Variants in KIAA1671 observed in about 807,000 individuals in gnomAD.
KIAA1671 encodes uncharacterized protein KIAA1671.
KIAA1671 carries 52 observed loss-of-function variants against 131.2 expected under a neutral mutation model. The ratio of observed to expected loss-of-function variants is 0.40; its 90% CI spans 0.32 to 0.50. The LOEUF is 0.50. Ranked by LOEUF, KIAA1671 falls within the 20% of genes least tolerant of loss-of-function variation. The pLI, the probability that KIAA1671 is intolerant of heterozygous loss-of-function variation, is 0.73. For missense variants in KIAA1671, 2,360 were observed against 2,364.2 expected, an observed-to-expected ratio of 1.00 and a Z score of 0.04; for synonymous variants, 1,003 against 961.6, an observed-to-expected ratio of 1.04 and a Z score of -0.80.
Position 25,195,919 on chromosome 22 carries a change from A to C in KIAA1671, c.*3518A>C, listed in dbSNP as rs1934812592. The C allele has an allele frequency of 6.6e-6, 1 of 152,136 alleles. No homozygotes were observed. Among genetic ancestry groups the C allele is most frequent in the Non-Finnish European group, 1.5e-5 (1 of 68,032 alleles). The allele number at this position is 152,136 out of a possible 1,614,324, so 9.4% of individuals were successfully genotyped here. On this transcript the variant is annotated 3_prime_UTR_variant, in exon 13 of 13. Coordinates refer to ENST00000358431, the MANE Select transcript of KIAA1671 (RefSeq NM_001145206.2). The stretch of plus-strand genomic sequence containing the variant: ...ACAAAAGCCGAAGTTCCATGGCATC[A>C]TGATTCCGAGGGGCTGGAGGGATAG...
At chr22:25,064,809 G>A (rs942816795) in intron 6 of KIAA1671, 4 of 152,238 alleles carry the variant, frequency 2.6e-5, no homozygotes, top group African/African-American at 9.7e-5. Flanking sequence ...GGGACAACTG[G>A]GAATTCTCTG....
intron 9 of KIAA1671, 99 bp from the exon 10 acceptor site, chr22:25,181,600 G>A: frequency 1.4e-6 from 2 of 1,429,220 alleles, no homozygotes; most frequent in South Asian, 1.3e-5. Context: ...CAGGTCTGAT[G>A]TGAGCATTGC....
chr22:25,024,463 CT>C (rs1334955915), intron 1 of KIAA1671: 1 of 152,176 alleles, frequency 6.6e-6, no homozygotes, highest in East Asian at 1.9e-4. Context: ...GAGCCTCTGG[CT>C]TGTGAAACTG....
chr22:24,974,006 C>T (rs1922779254), intron 1 of KIAA1671, among the ~76,000 whole-genome samples: 1 of 152,148 alleles, frequency 6.6e-6, no homozygotes, highest in Non-Finnish European at 1.5e-5. Flanking sequence ...CCCAGCTGCA[C>T]CTCCTTTGGT....
intron 6 of KIAA1671, among the ~76,000 whole-genome samples, chr22:25,110,392 G>A (rs1173982310): frequency 1.3e-5 from 2 of 152,182 alleles, no homozygotes; most frequent in Non-Finnish European, 2.9e-5. Flanking sequence ...AATATTTACA[G>A]AGCCCTGACT....
intron 6 of KIAA1671, among the ~76,000 whole-genome samples, chr22:25,067,009 T>C (rs1321846332): frequency 6.6e-6 from 1 of 152,104 alleles, no homozygotes. Flanking sequence ...GCCTCTGACT[T>C]CTGATGCAGC....
chr22:25,040,432 A>G lies in KIAA1671; in HGVS notation c.3302A>G (p.Lys1101Arg), dbSNP rs1461255869. The change falls in exon 5 of 13, where the codon AAA (lysine) becomes AGA (arginine). Residue 1101 changes from lysine to arginine, a missense_variant. Physicochemically the swap from Lys to Arg is conservative, Grantham distance 26. Around this residue, in one of 3 missense-constraint regions of KIAA1671, gnomAD observed 1,161 missense variants for 1,204.7 expected, o/e 0.96. Coordinates refer to ENST00000358431, the MANE Select transcript of KIAA1671 (RefSeq NM_001145206.2). Reference protein sequence around the residue: ...GREHENASILKTLKPTDRPSS... With the variant: ...GREHENASILRTLKPTDRPSS... ...GAGCATGAAAATGCAAGCATTTTAA[A>G]AACTCTGAAGCCAACAGACCGTCCA... 11 of 1,551,946 alleles carry G rather than the reference A, an allele frequency of 7.1e-6. No homozygotes were observed. Among genetic ancestry groups the G allele is most frequent in the Non-Finnish European group, 9.6e-6 (11 of 1,147,082 alleles).
chr22:25,026,558 C>T (rs796223306), intron 2 of KIAA1671, among the ~76,000 whole-genome samples: 86 of 152,160 alleles, frequency 5.7e-4, no homozygotes, highest in Non-Finnish European at 1.0e-3. Flanking sequence ...TGGAGAAACC[C>T]CACCTCTACT....
intron 6 of KIAA1671, 35 bp from the exon 7 acceptor site, chr22:25,170,785 C>T (rs1191525124): frequency 1.7e-5 from 26 of 1,543,808 alleles, no homozygotes; most frequent in Non-Finnish European, 2.3e-5. Flanking sequence ...AGTACATTTC[C>T]TGGTAGAAAT....
At chr22:25,093,800 C>CTT (rs10677802) in intron 6 of KIAA1671, among the ~76,000 whole-genome samples, 2 of 131,806 alleles carry the variant, frequency 1.5e-5, no homozygotes, top group African/African-American at 5.8e-5. Context: ...CTCTCTCTCT[C>CTT]TCTCTCTCTC....
intron 1 of KIAA1671, among the ~76,000 whole-genome samples, chr22:24,994,520 G>A (rs559297645): frequency 1.3e-5 from 2 of 152,266 alleles, no homozygotes; most frequent in Admixed American, 6.5e-5. Context: ...AGAGGATTTG[G>A]GTGGAGTCCA....
At chr22:25,139,710 G>A (rs118004001) in intron 6 of KIAA1671, among the ~76,000 whole-genome samples, 4,082 of 152,316 alleles carry the variant, frequency 0.027, 72 homozygotes, top group Admixed American at 0.038. Context: ...TGGGGAGATA[G>A]GCATGGGTTT....
At chr22:25,118,964 C>T (rs978880926) in intron 6 of KIAA1671, among the ~76,000 whole-genome samples, 3 of 152,166 alleles carry the variant, frequency 2.0e-5, no homozygotes, top group Non-Finnish European at 2.9e-5. Context: ...GAACTCCCTG[C>T]GTTTCCCTGC....
In KIAA1671 at chr22:25,028,772, C is replaced by G; in HGVS notation, c.773C>G (p.Pro258Arg). ...TESIQPQKPGPGAAATVGKVP... is the reference protein window; with the variant it reads ...TESIQPQKPGRGAAATVGKVP... ...TCCATTCAGCCTCAGAAGCCAGGCC[C>G]CGGCGCAGCGGCCACAGTGGGCAAA... The change falls in exon 3 of 13, where the codon CCC becomes CGC. Residue 258 changes from proline (P) to arginine (R), a missense_variant. Pro to Arg is a moderately radical substitution (Grantham distance 103, BLOSUM62 -2). Coordinates refer to ENST00000358431, the MANE Select transcript of KIAA1671 (RefSeq NM_001145206.2). 6.4e-7 allele frequency: 1 copy of G among 1,551,318 alleles called. No homozygotes were observed. Among genetic ancestry groups the G allele is most frequent in the South Asian group, 1.2e-5 (1 of 84,056 alleles).
intron 6 of KIAA1671, among the ~76,000 whole-genome samples, chr22:25,108,330 G>A (rs1931138140): frequency 6.6e-6 from 1 of 152,202 alleles, no homozygotes; most frequent in Non-Finnish European, 1.5e-5. Context: ...AGCTTTCTAG[G>A]TATTTCTGGT....
At chr22:25,151,637 G>T (rs530587359) in intron 6 of KIAA1671, among the ~76,000 whole-genome samples, 1 of 151,778 alleles carries the variant, frequency 6.6e-6, no homozygotes, top group Non-Finnish European at 1.5e-5. Context: ...CACCATGTTG[G>T]CCAGGCTACT....
chr22:25,066,721 A>G (rs1028008198), intron 6 of KIAA1671, among the ~76,000 whole-genome samples: 1 of 152,008 alleles, frequency 6.6e-6, no homozygotes, highest in African/African-American at 2.4e-5. Context: ...AGGGGTCTCC[A>G]TTCAACCCAC....
At chr22:25,006,601 C>T (rs1429609378) in intron 1 of KIAA1671, among the ~76,000 whole-genome samples, 2 of 152,122 alleles carry the variant, frequency 1.3e-5, no homozygotes, top group Non-Finnish European at 2.9e-5. Context: ...GCTCTGTATG[C>T]GTTTCCTATT....
At chr22:25,121,048 A>G (rs1234395532) in intron 6 of KIAA1671, among the ~76,000 whole-genome samples, 1 of 152,160 alleles carries the variant, frequency 6.6e-6, no homozygotes, top group African/African-American at 2.4e-5. Context: ...TTCTAATCTC[A>G]GATGTTTTGT....
Sources: allele counts gnomAD v4.1 joint callset (sites outside exome capture counted in the v4.1 genomes callset), GRCh38; gene constraint gnomAD v4.1.1; regional missense constraint gnomAD v4.1.1; transcripts MANE v1.5; gene names NCBI Gene and HGNC (gene_info 2026-07-23, HGNC 2026-07-21).